GOLGA4: variants seen among roughly 807,000 people sequenced by gnomAD.
GOLGA4 encodes golgin A4.
Under a neutral mutation model 265.9 loss-of-function variants are expected in GOLGA4, and 169 were observed. The ratio of observed to expected loss-of-function variants is 0.64; its 90% confidence interval spans 0.56 to 0.72. The LOEUF (loss-of-function observed/expected upper bound fraction) is 0.72, where lower values mean the gene tolerates loss of function less well. Ranked by LOEUF, GOLGA4 falls within the 30% of genes least tolerant of loss-of-function variation. The probability of loss-of-function intolerance (pLI) is 0.00; values close to 1 mark genes in which losing one functional copy is unlikely to be tolerated. For missense variants in GOLGA4, 2,482 were observed against 2,483.4 expected (o/e 1.00, Z 0.01); for synonymous variants, 923 against 855.8 (o/e 1.08, Z -1.37).
intron 10 of GOLGA4, among the ~76,000 whole-genome samples, chr3:37,312,240 G>A (rs1464151096): frequency 6.6e-6 from 1 of 152,122 alleles, no homozygotes; most frequent in Non-Finnish European, 1.5e-5. Flanking sequence ...CATTCCTCCA[G>A]CGTTTAAACC....
chr3:37,309,592 A>G (rs1170020660), intron 10 of GOLGA4, among the ~76,000 whole-genome samples: 1 of 152,188 alleles, frequency 6.6e-6, no homozygotes, highest in Non-Finnish European at 1.5e-5. Flanking sequence ...AACAAACAAA[A>G]AAAACCAGTT....
chr3:37,290,008 C>T (rs1048878122), intron 5 of GOLGA4, among the ~76,000 whole-genome samples: 1 of 152,070 alleles, frequency 6.6e-6, no homozygotes, highest in Non-Finnish European at 1.5e-5. Flanking sequence ...AATTTATTAA[C>T]AAAACTAGTG....
At position 37,324,560 on chromosome 3, in the gene GOLGA4, C is replaced by G; in HGVS notation, c.2674C>G (p.Leu892Val). 1 of 1,613,762 alleles carries G rather than the reference C, an allele frequency of 6.2e-7. No homozygotes were observed. The highest frequency in any genetic ancestry group is 8.5e-7 in the Non-Finnish European group (1 of 1,179,924). Reference protein sequence around the residue: ...KSLTQVYESKLEDGNKEQEQT... With the variant: ...KSLTQVYESKVEDGNKEQEQT... Reference sequence around the variant, plus strand: ...TTTAACCCAAGTCTATGAGTCCAAACTTGAAGATGGTAACAAAGAACAGGA... The same window carrying G: ...TTTAACCCAAGTCTATGAGTCCAAAGTTGAAGATGGTAACAAAGAACAGGA... Residue 892 changes from leucine (L) to valine (V), a missense_variant, in exon 14 of 24, where the codon CTT becomes GTT. This residue lies in a region of GOLGA4 where 1,536 missense variants were observed against 1,483.7 expected (regional missense o/e 1.04). Coordinates refer to ENST00000361924, the MANE Select transcript of GOLGA4 (RefSeq NM_002078.5).
chr3:37,296,379 C>G (rs567217391), intron 7 of GOLGA4, among the ~76,000 whole-genome samples, 160 bp downstream of exon 7: 1 of 152,094 alleles, frequency 6.6e-6, no homozygotes, highest in Non-Finnish European at 1.5e-5. Context: ...AAACCCTTCT[C>G]CACAAGAAAA....
chr3:37,347,298 T>C lies in GOLGA4; in HGVS notation c.6576+2T>C, dbSNP rs763188364. On this transcript the variant is annotated splice_donor_variant, in intron 21 of 23. Transcript: ENST00000361924. LOFTEE classifies it high-confidence loss of function. ...TATATGATGGGTCGTGAGACTAAGG[T>C]ATAAATCATGTCTCGTGATTTGGTG... is the stretch of plus-strand genomic sequence containing the variant. 6.6e-7 allele frequency: 1 copy of C among 1,515,302 alleles called. No homozygotes were observed. Among genetic ancestry groups the C allele is most frequent in the Non-Finnish European group, 9.2e-7 (1 of 1,091,104 alleles). The allele number at this position is 1,515,302 out of a possible 1,614,324, so 93.9% of individuals were successfully genotyped here. A position where few individuals can be genotyped will look rare whatever the true frequency, so the allele number is the denominator to read the frequency against.
rs1559453617 is a variant in GOLGA4 at position 37,337,680 on chromosome 3, G to GA, written c.6344dup (p.Thr2116AspfsTer6). On this transcript the variant is annotated frameshift_variant, in exon 19 of 24. Transcript: ENST00000361924. LOFTEE classifies it high-confidence loss of function. ...TGTTCTTTCAGACACAGCTAGCACAGAAGACGACTTTAATCAGTGATTCGA... is the reference window on the plus strand; with the variant it reads ...TGTTCTTTCAGACACAGCTAGCACAGAAAGACGACTTTAATCAGTGATTCGA... 6.2e-7 allele frequency: 1 copy of GA among 1,611,234 alleles called. No homozygotes were observed. The highest frequency in any genetic ancestry group is 1.1e-5 in the South Asian group (1 of 91,022).
chr3:37,273,715 G>C, intron 2 of GOLGA4: 1 of 682,494 alleles, frequency 1.5e-6, no homozygotes, highest in East Asian at 2.7e-5. Flanking sequence ...CAAATATTCA[G>C]TACAGTATAT....
At chr3:37,306,173 A>T (rs922629561) in intron 10 of GOLGA4, among the ~76,000 whole-genome samples, 8 of 152,198 alleles carry the variant, frequency 5.3e-5, no homozygotes, top group Non-Finnish European at 8.8e-5. Flanking sequence ...TCTCCTCTCT[A>T]GTAGAAATGT....
At chr3:37,270,866 A>G (rs1430290397) in intron 2 of GOLGA4, among the ~76,000 whole-genome samples, 1 of 152,024 alleles carries the variant, frequency 6.6e-6, no homozygotes, top group Non-Finnish European at 1.5e-5. Flanking sequence ...TTACATTGTA[A>G]TACGTAATGA....
Position 37,355,157 on chromosome 3 carries a change from A to C in GOLGA4, c.6633A>C (p.Lys2211Asn). The change falls in exon 22 of 24, where the codon AAA becomes AAC. Residue 2211 changes from lysine to asparagine, a missense_variant. Lys to Asn is a moderately conservative substitution (Grantham distance 94). Around this residue, in one of 3 missense-constraint regions of GOLGA4, gnomAD observed 942 missense variants for 983.1 expected, o/e 0.96. Transcript: ENST00000361924. ...AGTTCCCTGATGATCAGACTCAGAA[A>C]ATTTTGGAAAGAGAAGATGCTCGGC... is the stretch of plus-strand genomic sequence containing the variant. ...VLKFPDDQTQ[K>N]ILEREDARLM... 6.2e-7 allele frequency: 1 copy of C among 1,607,392 alleles called. No homozygotes were observed. Among genetic ancestry groups the C allele is most frequent in the Non-Finnish European group, 8.5e-7 (1 of 1,174,186 alleles).
rs539219787 is a variant in GOLGA4, at chr3:37,303,214, C to T, written c.1234+882C>T. 5.3e-5 allele frequency among the ~76,000 whole-genome samples: 8 copies of T among 152,220 alleles called. No homozygotes were observed. The East Asian group carries it at 1.5e-3, about 29-fold the overall frequency. On this transcript the variant is annotated intron_variant, in intron 10 of 23. Coordinates refer to ENST00000361924, the MANE Select transcript of GOLGA4 (RefSeq NM_002078.5). Reference sequence around the variant, plus strand: ...GTTTAGACTTTGATATACAGAGTAACAGGAAACCAGTAATAGGAAGGCATA... The same window carrying T: ...GTTTAGACTTTGATATACAGAGTAATAGGAAACCAGTAATAGGAAGGCATA...
At chr3:37,255,125 A>G (rs921636162) in intron 2 of GOLGA4, among the ~76,000 whole-genome samples, 1 of 151,746 alleles carries the variant, frequency 6.6e-6, no homozygotes, top group African/African-American at 2.4e-5. Context: ...ATCCCAGTCA[A>G]AATCCTTATA....
intron 21 of GOLGA4, among the ~76,000 whole-genome samples, chr3:37,347,757 A>G (rs1405214649): frequency 6.6e-6 from 1 of 152,194 alleles, no homozygotes; most frequent in Non-Finnish European, 1.5e-5. Flanking sequence ...TGGAATATCG[A>G]TCATTTAAAA....
At chr3:37,286,138 CTTTTTTTTTT>C (rs71094903) in intron 4 of GOLGA4, 77 bp downstream of exon 4, 21 of 225,730 alleles carry the variant, frequency 9.3e-5, no homozygotes, top group East Asian at 3.7e-4. Flanking sequence ...ATATTTCTTT[CTTTTTTTTTT>C]TTTTTTTTTT....
intron 2 of GOLGA4, among the ~76,000 whole-genome samples, chr3:37,255,171 T>C (rs62244333): frequency 0.28 from 41,846 of 151,718 alleles, 7,223 homozygotes; most frequent in Non-Finnish European, 0.39. Context: ...ATTATTATTA[T>C]TATTTTTGAG....
intron 5 of GOLGA4, among the ~76,000 whole-genome samples, chr3:37,294,594 C>T (rs1206152301): frequency 3.9e-5 from 6 of 152,030 alleles, no homozygotes; most frequent in African/African-American, 1.4e-4. Context: ...CATTTGTTGG[C>T]CAGGCTGGTC....
rs572046706 is a variant in GOLGA4 at position 37,264,740 on chromosome 3, A to T, written c.162+13256A>T. Among the ~76,000 whole-genome samples the T allele has an allele frequency of 1.1e-3, 162 of 151,914 alleles. No individual in the cohort carries two copies. In the Middle Eastern group the frequency reaches 0.02, roughly 19 times the overall value. On this transcript the variant is annotated intron_variant, in intron 2 of 23. Coordinates refer to ENST00000361924, the MANE Select transcript of GOLGA4 (RefSeq NM_002078.5). ...AAATTTTTTTTGGAGGCAGGATCTC[A>T]CTCTTTTGCTCAGGCTGGAGTGCTG...
chr3:37,243,821 A>C, intron 1 of GOLGA4, 199 bp downstream of exon 1: 1 of 583,768 alleles, frequency 1.7e-6, no homozygotes. Flanking sequence ...CCCATCGCAA[A>C]ACTTCATCCA....
At chr3:37,333,421 A>C (rs549820289) in intron 16 of GOLGA4, among the ~76,000 whole-genome samples, 1 of 152,200 alleles carries the variant, frequency 6.6e-6, no homozygotes, top group Non-Finnish European at 1.5e-5. Context: ...AGGCTTTTAT[A>C]AAGGAAATTA....
Sources: allele counts gnomAD v4.1 joint callset (sites outside exome capture counted in the v4.1 genomes callset), GRCh38; gene constraint gnomAD v4.1.1; regional missense constraint gnomAD v4.1.1; transcripts MANE v1.5; gene names NCBI Gene and HGNC (gene_info 2026-07-23, HGNC 2026-07-21).